KAZN: variants seen among roughly 807,000 people sequenced by gnomAD.
KAZN encodes the protein kazrin.
Under a neutral mutation model 87.4 loss-of-function variants are expected in KAZN, and 40 were observed. The observed-to-expected ratio is 0.46, with a 90% CI of 0.36 to 0.60. The LOEUF (loss-of-function observed/expected upper bound fraction) is 0.60, where lower values mean the gene tolerates loss of function less well. Among genes scored for constraint, KAZN ranks in the 20% least tolerant of loss-of-function variants. KAZN has a pLI of 0.00. For synonymous variants in KAZN, 466 were observed against 458.3 expected (o/e 1.02, Z -0.22); for missense variants, 898 against 1,073.9 (o/e 0.84, Z 2.29).
intron 2 of KAZN, among the ~76,000 whole-genome samples, chr1:14,216,177 T>C (rs1319637823): frequency 1.3e-5 from 2 of 152,202 alleles, no homozygotes; most frequent in Non-Finnish European, 2.9e-5. Context: ...TCAGCCATAA[T>C]TTAGCAGGAG....
chr1:14,400,035 T>C (rs909504083), intron 2 of KAZN, among the ~76,000 whole-genome samples: 1 of 152,116 alleles, frequency 6.6e-6, no homozygotes, highest in African/African-American at 2.4e-5. Flanking sequence ...CAGGGGTTAA[T>C]GCCCACACTC....
intron 1 of KAZN, among the ~76,000 whole-genome samples, chr1:14,729,747 C>A (rs1643589784): frequency 1.3e-5 from 2 of 152,160 alleles, no homozygotes; most frequent in Admixed American, 1.3e-4. Context: ...ACCTCACTAA[C>A]CGAATAACAA....
intron 1 of KAZN, among the ~76,000 whole-genome samples, chr1:14,768,360 C>T (rs753046877): frequency 3.3e-5 from 5 of 152,186 alleles, no homozygotes; most frequent in African/African-American, 7.2e-5. Flanking sequence ...AGTTTTGTAA[C>T]AACTCTGTGA....
intron 1 of KAZN, among the ~76,000 whole-genome samples, chr1:14,940,300 C>T (rs1019237520): frequency 6.6e-6 from 1 of 152,200 alleles, no homozygotes; most frequent in African/African-American, 2.4e-5. Flanking sequence ...CCAGGCAACC[C>T]CTACAATTTT....
chr1:14,746,099 A>T (rs944758413), intron 1 of KAZN, among the ~76,000 whole-genome samples: 4 of 152,182 alleles, frequency 2.6e-5, no homozygotes, highest in Admixed American at 6.5e-5. Context: ...ATTTATGTCC[A>T]CCTTAAATTA....
intron 1 of KAZN, among the ~76,000 whole-genome samples, chr1:14,177,129 G>T (rs755829211): frequency 2.1e-4 from 32 of 152,204 alleles, no homozygotes; most frequent in Non-Finnish European, 4.1e-4. Flanking sequence ...CTGCACTCGA[G>T]CCTGGGTGAC....
chr1:14,945,840 C>G lies in KAZN; in HGVS notation c.227-14844C>G, dbSNP rs1156824225. 4 of 984,672 alleles carry G rather than the reference C, an allele frequency of 4.1e-6. No individual in the cohort carries two copies. The African/African-American group carries it at 5.2e-5, about 13-fold the overall frequency. 61.0% of individuals were successfully genotyped at this position (984,672 alleles called of 1,614,324 possible). ...CAAAGGGCAAGTGTCCGCTCCGGCC[C>G]GGAAGACTTGGGCAGCCTGAGCCCA... is the stretch of plus-strand genomic sequence containing the variant. On this transcript the variant is annotated intron_variant, in intron 1 of 14. Transcript: ENST00000376030.
chr1:14,713,011 C>A (rs1642569954), intron 1 of KAZN, among the ~76,000 whole-genome samples: 1 of 152,100 alleles, frequency 6.6e-6, no homozygotes, highest in Non-Finnish European at 1.5e-5. Flanking sequence ...CAACCACAAG[C>A]CCTCAGTGGC....
At chr1:15,088,190 A>G (rs1640356370) in intron 8 of KAZN, among the ~76,000 whole-genome samples, 1 of 152,248 alleles carries the variant, frequency 6.6e-6, no homozygotes, top group Non-Finnish European at 1.5e-5. Flanking sequence ...TAGACAATAA[A>G]TAAACAAATG....
At chr1:14,262,299 C>T (rs1202378014) in intron 2 of KAZN, among the ~76,000 whole-genome samples, 5 of 152,138 alleles carry the variant, frequency 3.3e-5, no homozygotes, top group African/African-American at 2.4e-5. Flanking sequence ...ATAAGTGGTA[C>T]ATAGCTATGG....
At chr1:13,985,155 GA>G (rs965427672) in intron 1 of KAZN, among the ~76,000 whole-genome samples, 13 of 151,738 alleles carry the variant, frequency 8.6e-5, no homozygotes, top group South Asian at 4.2e-4. Flanking sequence ...TCTATCTAGG[GA>G]AATTTTTTTT....
intron 1 of KAZN, among the ~76,000 whole-genome samples, chr1:14,829,006 G>A (rs1037864191): frequency 6.6e-6 from 1 of 152,202 alleles, no homozygotes; most frequent in Admixed American, 6.5e-5. Flanking sequence ...TGCTACAAGA[G>A]AGGCTGAGAA....
At chr1:14,433,785 G>A (rs1004406200) in intron 2 of KAZN, among the ~76,000 whole-genome samples, 10 of 152,216 alleles carry the variant, frequency 6.6e-5, no homozygotes, top group African/African-American at 1.7e-4. Context: ...GCTTGAACCC[G>A]GGAGGCGGAG....
intron 1 of KAZN, among the ~76,000 whole-genome samples, chr1:14,052,848 A>G (rs1200754423): frequency 1.3e-5 from 2 of 152,238 alleles, no homozygotes; most frequent in African/African-American, 4.8e-5. Context: ...GCAGAGGAAC[A>G]GCCAGTGAAG....
intron 2 of KAZN, among the ~76,000 whole-genome samples, chr1:14,990,583 A>G (rs924788737): frequency 2.0e-5 from 3 of 152,142 alleles, no homozygotes; most frequent in Non-Finnish European, 4.4e-5. Context: ...TTTGTTTCAC[A>G]TATTTTCTGA....
At chr1:14,417,118 G>T (rs941169046) in intron 2 of KAZN, among the ~76,000 whole-genome samples, 1 of 151,444 alleles carries the variant, frequency 6.6e-6, no homozygotes, top group African/African-American at 2.4e-5. Context: ...CTCGAACCTG[G>T]GAGGGAGAGG....
chr1:14,886,534 G>A (rs1475587117), intron 1 of KAZN, among the ~76,000 whole-genome samples: 2 of 152,118 alleles, frequency 1.3e-5, no homozygotes, highest in African/African-American at 2.4e-5. Flanking sequence ...GCTCACGCCT[G>A]TAATCCCAGC....
At chr1:14,056,389 G>A (rs1411940048) in intron 1 of KAZN, among the ~76,000 whole-genome samples, 1 of 152,314 alleles carries the variant, frequency 6.6e-6, no homozygotes, top group African/African-American at 2.4e-5. Flanking sequence ...AGCTTGGAGG[G>A]ATGTGGACCA....
intron 1 of KAZN, among the ~76,000 whole-genome samples, chr1:14,694,813 T>A (rs1320028498): frequency 6.6e-6 from 1 of 152,196 alleles, no homozygotes; most frequent in African/African-American, 2.4e-5. Flanking sequence ...TCACTGCAAA[T>A]GACACACTTA....
Sources: gnomAD v4.1 joint callset for allele counts (sites outside exome capture counted in the v4.1 genomes callset) on GRCh38, gnomAD v4.1.1 for gene constraint, MANE v1.5 for transcripts, NCBI Gene and HGNC (gene_info 2026-07-23, HGNC 2026-07-21) for gene names.